Variants in NRXN1 observed in about 807,000 individuals in gnomAD.
NRXN1 encodes neurexin 1.
NRXN1 carries 39 observed loss-of-function variants against 150.9 expected under a neutral mutation model. The observed-to-expected ratio is 0.26, with a 90% CI of 0.20 to 0.34. The LOEUF is 0.34. Among genes scored for constraint, NRXN1 ranks in the 10% least tolerant of loss-of-function variants. The pLI, the probability that NRXN1 is intolerant of heterozygous loss-of-function variation, is 1.00. For missense variants in NRXN1, 1,815 were observed against 1,949.9 expected (o/e 0.93, Z 1.30); for synonymous variants, 924 against 757.0 (o/e 1.22, Z -3.62).
chr2:51,024,495 C>T (rs1670118385), intron 2 of NRXN1, among the ~76,000 whole-genome samples: 1 of 148,416 alleles, frequency 6.7e-6, no homozygotes, highest in Non-Finnish European at 1.5e-5. Context: ...CCAGGTTCTG[C>T]CACTAACCTG....
intron 5 of NRXN1, among the ~76,000 whole-genome samples, chr2:50,795,057 A>C (rs531728605): frequency 2.9e-4 from 44 of 152,280 alleles, no homozygotes; most frequent in African/African-American, 1.1e-3. Flanking sequence ...ATTACTATCA[A>C]GGAATTTTGT....
intron 17 of NRXN1, among the ~76,000 whole-genome samples, chr2:50,293,588 G>C (rs977429219): frequency 1.3e-5 from 2 of 152,074 alleles, no homozygotes; most frequent in East Asian, 3.9e-4. Context: ...CCTTTACATG[G>C]AACTCAAGTA....
chr2:50,848,900 T>A (rs1674098111), intron 5 of NRXN1, among the ~76,000 whole-genome samples: 1 of 152,158 alleles, frequency 6.6e-6, no homozygotes, highest in Non-Finnish European at 1.5e-5. Context: ...CAAAGGAGAA[T>A]GTTAAAGTTG....
intron 17 of NRXN1, among the ~76,000 whole-genome samples, chr2:50,263,146 G>A (rs2068471765): frequency 7.1e-6 from 1 of 140,702 alleles, no homozygotes; most frequent in Non-Finnish European, 1.5e-5. Context: ...TTACCAAGAG[G>A]AAAACACACA....
chr2:50,920,347 CA>C (rs1467621013), intron 5 of NRXN1, among the ~76,000 whole-genome samples: 2 of 151,446 alleles, frequency 1.3e-5, no homozygotes, highest in African/African-American at 4.8e-5. Context: ...TTAAGTACAC[CA>C]AAACAAATAT....
intron 18 of NRXN1, chr2:50,105,111 A>G (rs1181027966): frequency 6.6e-6 from 1 of 152,046 alleles, no homozygotes; most frequent in African/African-American, 2.4e-5. Flanking sequence ...CTCCTTCTGC[A>G]GAGTCTTCAT....
At chr2:50,694,307 A>G (rs1692501277) in intron 5 of NRXN1, among the ~76,000 whole-genome samples, 1 of 152,182 alleles carries the variant, frequency 6.6e-6, no homozygotes, top group Non-Finnish European at 1.5e-5. Flanking sequence ...TTACATTTAC[A>G]TATTCTGTCT....
At chr2:50,828,283 C>G (rs1188635807) in intron 5 of NRXN1, among the ~76,000 whole-genome samples, 4 of 133,950 alleles carry the variant, frequency 3.0e-5, no homozygotes, top group African/African-American at 1.1e-4. Flanking sequence ...TGACCCCCCC[C>G]ACCTCCCTCC....
chr2:50,764,295 T>C (rs1268651859), intron 5 of NRXN1, among the ~76,000 whole-genome samples: 2 of 151,950 alleles, frequency 1.3e-5, no homozygotes, highest in Admixed American at 6.6e-5. Flanking sequence ...AATGTGTTCC[T>C]AAAAAATTCC....
chr2:50,504,576 TAAA>T (rs765753054), intron 13 of NRXN1, among the ~76,000 whole-genome samples: 3 of 151,932 alleles, frequency 2.0e-5, no homozygotes, highest in Non-Finnish European at 4.4e-5. Flanking sequence ...ATACATTTCT[TAAA>T]AAAAATGTTT....
rs201336161 is a variant in NRXN1 at position 50,091,446 on chromosome 2, C to T, written c.3595G>A (p.Ala1199Thr). Residue 1199 changes from alanine to threonine, a missense_variant, in exon 19 of 23, where the codon GCC becomes ACC. Ala to Thr is a moderately conservative substitution (Grantham distance 58). Transcript: ENST00000401669. ...ATGATTGCATTGGATTCTTCAATGG[C>T]GATGTCATCTGTCCCAACATTAAAC... ...VKFNVGTDDIAIEESNAIIND... is the reference protein window; with the variant it reads ...VKFNVGTDDITIEESNAIIND... 228 of 1,614,048 alleles carry T rather than the reference C, an allele frequency of 1.4e-4. 1 individual carries two copies. In the East Asian group the frequency reaches 4.7e-3, roughly 33 times the overall value.
intron 8 of NRXN1, among the ~76,000 whole-genome samples, chr2:50,595,026 A>T (rs1053077155): frequency 2.0e-5 from 3 of 151,976 alleles, no homozygotes; most frequent in African/African-American, 7.2e-5. Flanking sequence ...AAGCAAAACA[A>T]TAGTGAAACA....
intron 5 of NRXN1, among the ~76,000 whole-genome samples, chr2:50,707,044 C>A (rs1023622486): frequency 6.6e-6 from 1 of 152,088 alleles, no homozygotes; most frequent in Non-Finnish European, 1.5e-5. Flanking sequence ...TGGGTATATG[C>A]AGCTGTCTGT....
intron 17 of NRXN1, among the ~76,000 whole-genome samples, chr2:50,278,406 C>T (rs1189981420): frequency 6.8e-6 from 1 of 147,644 alleles, no homozygotes; most frequent in African/African-American, 2.5e-5. Context: ...CCCCCCTTGG[C>T]CTCCCAAAGT....
chr2:50,587,994 A>T (rs1673452835), intron 8 of NRXN1, among the ~76,000 whole-genome samples: 1 of 152,174 alleles, frequency 6.6e-6, no homozygotes, highest in Non-Finnish European at 1.5e-5. Context: ...GTGAGTGCCT[A>T]TTATATTCTA....
At chr2:50,217,433 A>G in intron 18 of NRXN1, among the ~76,000 whole-genome samples, 1 of 152,022 alleles carries the variant, frequency 6.6e-6, no homozygotes, top group Middle Eastern at 3.2e-3. Context: ...AGTGATTAGA[A>G]AAGACAAAGC....
intron 2 of NRXN1, among the ~76,000 whole-genome samples, chr2:50,973,486 A>G (rs985666971): frequency 6.6e-5 from 10 of 152,174 alleles, no homozygotes; most frequent in Admixed American, 2.0e-4. Context: ...CTAAGTACAC[A>G]GTCCTTCTTG....
At chr2:50,408,877 T>C (rs1002551955) in intron 17 of NRXN1, among the ~76,000 whole-genome samples, 3 of 108,364 alleles carry the variant, frequency 2.8e-5, no homozygotes, top group African/African-American at 9.2e-5. Context: ...CTCTCTCTCA[T>C]ATTTATATGC....
intron 5 of NRXN1, among the ~76,000 whole-genome samples, chr2:50,812,692 G>C (rs1176533150): frequency 6.7e-6 from 1 of 148,268 alleles, no homozygotes; most frequent in Non-Finnish European, 1.5e-5. Flanking sequence ...ATTTCATCTG[G>C]TTATTATATT....
Sources: allele counts gnomAD v4.1 joint callset (sites outside exome capture counted in the v4.1 genomes callset), GRCh38; gene constraint gnomAD v4.1.1; transcripts MANE v1.5; gene names NCBI Gene and HGNC (gene_info 2026-07-23, HGNC 2026-07-21).